The following CCDC178 variants were observed in gnomAD, a reference collection of about 807,000 sequenced individuals.
The protein encoded by CCDC178 is coiled-coil domain containing 178, also known as coiled-coil domain-containing protein 178.
A neutral mutation model predicts 117.4 loss-of-function variants in CCDC178; 126 were observed. That is an observed-to-expected ratio of 1.07 (90% confidence interval 0.93 to 1.24). The LOEUF (loss-of-function observed/expected upper bound fraction) is 1.24. Among genes scored for constraint, CCDC178 ranks in the 50% most tolerant of loss-of-function variants. The pLI, the probability that CCDC178 is intolerant of heterozygous loss-of-function variation, is 0.00. For missense variants in CCDC178, 1,030 were observed against 986.9 expected, an observed-to-expected ratio of 1.04 and a Z score of -0.59; for synonymous variants, 283 against 313.4, an observed-to-expected ratio of 0.90 and a Z score of 1.02.
chr18:33,173,654 C>A (rs1055306192), intron 20 of CCDC178, among the ~76,000 whole-genome samples: 1 of 152,170 alleles, frequency 6.6e-6, no homozygotes, highest in Admixed American at 6.5e-5. Flanking sequence ...ATGAAAAGGG[C>A]AGAAATATTC....
intron 20 of CCDC178, among the ~76,000 whole-genome samples, chr18:33,133,103 A>C (rs2058085661): frequency 6.6e-6 from 1 of 151,866 alleles, no homozygotes; most frequent in East Asian, 1.9e-4. Context: ...TACATGAATA[A>C]ATCTCAAAAG....
At chr18:33,114,917 G>A (rs2057833571) in intron 20 of CCDC178, among the ~76,000 whole-genome samples, 1 of 151,998 alleles carries the variant, frequency 6.6e-6, no homozygotes, top group East Asian at 1.9e-4. Flanking sequence ...TGGCTGCCTA[G>A]TTGTCATTTG....
intron 20 of CCDC178, among the ~76,000 whole-genome samples, chr18:33,102,732 T>A (rs1282542832): frequency 1.3e-5 from 2 of 151,786 alleles, no homozygotes; most frequent in East Asian, 1.9e-4. Context: ...TTTCTACAGA[T>A]AACCATTTCG....
At chr18:33,170,019 T>C in intron 20 of CCDC178, among the ~76,000 whole-genome samples, 1 of 152,042 alleles carries the variant, frequency 6.6e-6, no homozygotes. Context: ...ATTCATTAAG[T>C]TCAAAGATGT....
intron 20 of CCDC178, among the ~76,000 whole-genome samples, chr18:33,138,258 T>A (rs1311264728): frequency 6.6e-6 from 1 of 152,230 alleles, no homozygotes; most frequent in Non-Finnish European, 1.5e-5. Context: ...TACTTATTAA[T>A]GTTTATGTAT....
intron 20 of CCDC178, among the ~76,000 whole-genome samples, chr18:33,162,747 C>T (rs535196055): frequency 9.1e-4 from 138 of 152,204 alleles, no homozygotes; most frequent in African/African-American, 2.2e-3. Context: ...TCCATGTTCC[C>T]GCAAAAGACA....
At chr18:33,337,454 G>A (rs1297937383) in intron 9 of CCDC178, among the ~76,000 whole-genome samples, 1 of 152,018 alleles carries the variant, frequency 6.6e-6, no homozygotes, top group Non-Finnish European at 1.5e-5. Context: ...TTGAATAAAA[G>A]TGGTGAAAGT....
chr18:33,176,958 T>C (rs938775350), intron 20 of CCDC178, among the ~76,000 whole-genome samples: 1 of 152,214 alleles, frequency 6.6e-6, no homozygotes, highest in Non-Finnish European at 1.5e-5. Flanking sequence ...ACCTCTTCAC[T>C]AAATCTCTGA....
intron 5 of CCDC178, 77 bp downstream of exon 5, chr18:33,389,463 T>C (rs1448555639): frequency 3.5e-6 from 2 of 566,798 alleles, no homozygotes; most frequent in African/African-American, 2.0e-5. Context: ...ATAGAAATAG[T>C]ATTGACATTA....
intron 12 of CCDC178, among the ~76,000 whole-genome samples, chr18:33,271,028 T>C (rs1051929019): frequency 6.6e-6 from 1 of 151,488 alleles, no homozygotes; most frequent in Non-Finnish European, 1.5e-5. Flanking sequence ...AAATTGTTAG[T>C]ATTAATCCAA....
chr18:33,282,145 G>A (rs1043900119), intron 12 of CCDC178, among the ~76,000 whole-genome samples: 3 of 152,176 alleles, frequency 2.0e-5, no homozygotes, highest in African/African-American at 7.2e-5. Flanking sequence ...CAGTTCCGGA[G>A]GAATAGGTGA....
At chr18:33,194,946 C>CAGAGAGAG (rs149465796) in intron 20 of CCDC178, among the ~76,000 whole-genome samples, 2 of 106,216 alleles carry the variant, frequency 1.9e-5, no homozygotes, top group Admixed American at 2.0e-4. Flanking sequence ...GAGAGAGAGA[C>CAGAGAGAG]AGAGAGAGAG....
intron 21 of CCDC178, among the ~76,000 whole-genome samples, chr18:32,993,205 G>A (rs931574744): frequency 2.2e-4 from 33 of 152,124 alleles, no homozygotes; most frequent in African/African-American, 7.5e-4. Flanking sequence ...TCTGAGGTAG[G>A]AAGCAGTACT....
chr18:32,984,742 C>T (rs2055227221), intron 21 of CCDC178, among the ~76,000 whole-genome samples: 1 of 151,898 alleles, frequency 6.6e-6, no homozygotes, highest in African/African-American at 2.4e-5. Context: ...TCTAACTTTT[C>T]TCAAATGAAT....
chr18:33,390,620 G>C (rs2144824919), intron 4 of CCDC178, among the ~76,000 whole-genome samples: 1 of 152,050 alleles, frequency 6.6e-6, no homozygotes, highest in East Asian at 1.9e-4. Flanking sequence ...CAAGGTCCAA[G>C]AAAAAGACAA....
At chr18:33,204,053 T>C (rs2059021532) in intron 20 of CCDC178, among the ~76,000 whole-genome samples, 1 of 152,080 alleles carries the variant, frequency 6.6e-6, no homozygotes, top group South Asian at 2.1e-4. Flanking sequence ...TCCCTGAGCA[T>C]GACAAAGGAA....
At chr18:33,104,604 G>A (rs981536221) in intron 20 of CCDC178, among the ~76,000 whole-genome samples, 3 of 151,674 alleles carry the variant, frequency 2.0e-5, no homozygotes, top group African/African-American at 4.8e-5. Context: ...ACATTAAGGT[G>A]TGGAAATAGA....
At chr18:33,371,808 C>CACACAG (rs2063305376) in intron 5 of CCDC178, among the ~76,000 whole-genome samples, 1 of 151,480 alleles carries the variant, frequency 6.6e-6, no homozygotes. Context: ...CACACACACA[C>CACACAG]ACACACACAC....
chr18:33,307,975 G>A (rs901678763), intron 11 of CCDC178, among the ~76,000 whole-genome samples: 9 of 152,228 alleles, frequency 5.9e-5, no homozygotes, highest in African/African-American at 1.9e-4. Flanking sequence ...AGCCCTCATG[G>A]AGAACCTCTG....
Sources: allele counts gnomAD v4.1 joint callset (sites outside exome capture counted in the v4.1 genomes callset), GRCh38; gene constraint gnomAD v4.1.1; transcripts MANE v1.5; gene names NCBI Gene and HGNC (gene_info 2026-07-23, HGNC 2026-07-21).